EDA: variants seen among roughly 807,000 people sequenced by gnomAD.
EDA encodes the protein ectodysplasin A, also known as ectodysplasin-A.
In EDA, 2 loss-of-function variants were observed where a neutral mutation model predicts 23.6. The ratio of observed to expected loss-of-function variants is 0.08; its 90% CI spans 0.03 to 0.27. The LOEUF is 0.27. Ranked by LOEUF, EDA falls within the 10% of genes least tolerant of loss-of-function variation. The pLI, the probability that EDA is intolerant of heterozygous loss-of-function variation, is 1.00. For synonymous variants in EDA, 131 were observed against 132.0 expected (o/e 0.99, Z 0.05); for missense variants, 229 against 324.2 (o/e 0.71, Z 2.26).
At chrX:69,685,467 A>G (rs1171913747) in intron 1 of EDA, among the ~76,000 whole-genome samples, 1 of 112,135 alleles carries the variant, frequency 8.9e-6, no homozygotes, top group Non-Finnish European at 1.9e-5. Context: ...GAATAGATTT[A>G]GGAACCAGAT....
intron 1 of EDA, among the ~76,000 whole-genome samples, chrX:69,784,906 G>C (rs2015098889): frequency 1.8e-5 from 2 of 111,125 alleles, no homozygotes; most frequent in Admixed American, 1.9e-4. Context: ...TCACGATATT[G>C]ATTCTTCCTA....
intron 1 of EDA, among the ~76,000 whole-genome samples, chrX:69,921,497 G>C (rs1342193324): frequency 9.1e-6 from 1 of 110,441 alleles, no homozygotes; most frequent in Non-Finnish European, 1.9e-5. Flanking sequence ...CTTCTCTCCT[G>C]CTTGCGTGTA....
At chrX:69,952,585 AT>A (rs769995256) in intron 1 of EDA, among the ~76,000 whole-genome samples, 19 of 111,942 alleles carry the variant, frequency 1.7e-4, no homozygotes, top group African/African-American at 5.2e-4. Flanking sequence ...TGTTCAAAGC[AT>A]TTTCATATAC....
At chrX:69,644,296 T>C (rs1182727649) in intron 1 of EDA, among the ~76,000 whole-genome samples, 1 of 110,922 alleles carries the variant, frequency 9.0e-6, no homozygotes. Context: ...CAGTGGTCTG[T>C]AGTTCTTCTT....
chrX:69,625,963 G>A (rs1932368326), intron 1 of EDA, among the ~76,000 whole-genome samples: 1 of 110,604 alleles, frequency 9.0e-6, no homozygotes, highest in Non-Finnish European at 1.9e-5. Context: ...TTCTTGGAAT[G>A]TAATAATAAG....
intron 3 of EDA, among the ~76,000 whole-genome samples, 154 bp from the exon 4 acceptor site, chrX:70,027,703 A>G (rs760255608): frequency 4.4e-4 from 49 of 110,747 alleles, no homozygotes; most frequent in Non-Finnish European, 8.7e-4. Flanking sequence ...CGCGCCTGTA[A>G]TCCCAGTTAC....
chrX:69,739,008 G>C (rs2013362885), intron 1 of EDA, among the ~76,000 whole-genome samples: 1 of 110,849 alleles, frequency 9.0e-6, no homozygotes, highest in Non-Finnish European at 1.9e-5. Context: ...AGGTATATTT[G>C]GTTTATAATT....
intron 1 of EDA, among the ~76,000 whole-genome samples, chrX:69,948,845 T>C (rs1335271876): frequency 8.9e-6 from 1 of 112,117 alleles, no homozygotes; most frequent in Non-Finnish European, 1.9e-5. Context: ...AATCAAAGCA[T>C]GTCGAGTTAA....
intron 2 of EDA, among the ~76,000 whole-genome samples, chrX:69,964,717 A>G (rs2019150075): frequency 9.0e-6 from 1 of 111,446 alleles, no homozygotes; most frequent in Non-Finnish European, 1.9e-5. Context: ...GTGAACTGCT[A>G]GCTCACTTCT....
At chrX:69,634,406 G>A (rs1602237660) in intron 1 of EDA, among the ~76,000 whole-genome samples, 1 of 111,009 alleles carries the variant, frequency 9.0e-6, no homozygotes, top group South Asian at 3.8e-4. Context: ...TCCATCTCCT[G>A]GGCTAAAGTG....
At chrX:69,625,286 A>G (rs940843955) in intron 1 of EDA, among the ~76,000 whole-genome samples, 25 of 111,543 alleles carry the variant, frequency 2.2e-4, no homozygotes, top group Non-Finnish European at 7.6e-5. Context: ...CATGTTCTTG[A>G]CAAAGCATCT....
chrX:69,793,564 G>GTTTTTT (rs1362047098), intron 1 of EDA, among the ~76,000 whole-genome samples: 36 of 32,872 alleles, frequency 1.1e-3, no homozygotes, highest in African/African-American at 5.8e-3. Context: ...TTGTTTGTTT[G>GTTTTTT]TTTTTGTTTT....
At chrX:69,677,468 C>T (rs1423227882) in intron 1 of EDA, among the ~76,000 whole-genome samples, 6 of 111,483 alleles carry the variant, frequency 5.4e-5, no homozygotes, top group African/African-American at 1.3e-4. Context: ...GTTCCTATTT[C>T]TCCACATCCT....
At chrX:69,891,584 A>G (rs1011135485) in intron 1 of EDA, among the ~76,000 whole-genome samples, 2 of 90,993 alleles carry the variant, frequency 2.2e-5, no homozygotes, top group African/African-American at 6.7e-5. Context: ...ATGCAGCCAT[A>G]AAAAGGAACG....
chrX:69,686,287 G>A (rs1009773569), intron 1 of EDA, among the ~76,000 whole-genome samples: 5 of 112,371 alleles, frequency 4.4e-5, no homozygotes, highest in African/African-American at 6.5e-5. Context: ...ATGAGCCACC[G>A]CGCCCAGCCT....
In EDA at chrX:69,616,614, C is replaced by T. The variant is rs759329529; in HGVS notation, c.306C>T (p.Ile102=). The change falls in exon 1 of 8, where the codon ATC becomes ATT. Residue 102 remains isoleucine (I), a synonymous_variant. Coordinates refer to ENST00000374552, the MANE Select transcript of EDA (RefSeq NM_001399.5). ...SLGGLDPDSP[I]TSHLGQPSPK... is the part of the protein sequence containing the mutation. ...GTGGCCTCGACCCTGACAGCCCCATCACCAGTCACCTTGGGCAGCCGTCAC... is the reference window on the plus strand; with the variant it reads ...GTGGCCTCGACCCTGACAGCCCCATTACCAGTCACCTTGGGCAGCCGTCAC... 2 of 1,211,809 alleles carry T rather than the reference C, an allele frequency of 1.7e-6. No homozygotes were observed. Among genetic ancestry groups the T allele is most frequent in the Non-Finnish European group, 2.2e-6 (2 of 895,437 alleles).
At chrX:69,929,612 C>A (rs763182543) in intron 1 of EDA, among the ~76,000 whole-genome samples, 1 of 109,471 alleles carries the variant, frequency 9.1e-6, no homozygotes. Context: ...TGTGTTTCAC[C>A]TACTGACAGT....
chrX:69,987,816 A>C (rs1299872108), intron 2 of EDA, among the ~76,000 whole-genome samples: 1 of 111,326 alleles, frequency 9.0e-6, no homozygotes, highest in East Asian at 2.8e-4. Context: ...ATCCACTACT[A>C]GAGCATTGTT....
intron 2 of EDA, among the ~76,000 whole-genome samples, chrX:69,982,060 G>A (rs984070299): frequency 9.0e-6 from 1 of 111,367 alleles, no homozygotes; most frequent in African/African-American, 3.3e-5. Context: ...GACTTGTCAA[G>A]TGGAGACATG....
Sources: gnomAD v4.1 joint callset for allele counts (sites outside exome capture counted in the v4.1 genomes callset) on GRCh38, gnomAD v4.1.1 for gene constraint, MANE v1.5 for transcripts, NCBI Gene and HGNC (gene_info 2026-07-23, HGNC 2026-07-21) for gene names.